The following PDE1A variants were observed in gnomAD, a reference collection of about 807,000 sequenced individuals.
PDE1A encodes phosphodiesterase 1A, also known as dual specificity calcium/calmodulin-dependent 3',5'-cyclic nucleotide phosphodiesterase 1A.
PDE1A carries 35 observed loss-of-function variants against 61.7 expected under a neutral mutation model. The ratio of observed to expected loss-of-function variants is 0.57; its 90% confidence interval spans 0.43 to 0.75. The LOEUF is 0.75. Ranked by LOEUF, PDE1A falls within the 30% of genes least tolerant of loss-of-function variation. PDE1A has a pLI of 0.00. For synonymous variants in PDE1A, 232 were observed against 213.2 expected, an observed-to-expected ratio of 1.09 and a Z score of -0.77; for missense variants, 597 against 630.6, an observed-to-expected ratio of 0.95 and a Z score of 0.57.
intron 2 of PDE1A, among the ~76,000 whole-genome samples, chr2:182,243,121 A>C (rs780587636): frequency 1.3e-4 from 20 of 152,144 alleles, no homozygotes; most frequent in Non-Finnish European, 2.5e-4. Context: ...TCCTATTTGC[A>C]ATGAAATAAA....
chr2:182,572,572 G>C, the PDE1A span, among the ~76,000 whole-genome samples: 1 of 152,062 alleles, frequency 6.6e-6, no homozygotes, highest in Non-Finnish European at 1.5e-5. Flanking sequence ...ACATTTATAA[G>C]GCCTACAGTG....
the PDE1A span, among the ~76,000 whole-genome samples, chr2:182,561,634 A>T: frequency 6.6e-6 from 1 of 152,096 alleles, no homozygotes; most frequent in Admixed American, 6.5e-5. Context: ...TGAATCTATA[A>T]ATTACCTTGG....
intron 2 of PDE1A, among the ~76,000 whole-genome samples, chr2:182,496,608 G>A (rs547651906): frequency 1.3e-5 from 2 of 152,350 alleles, no homozygotes; most frequent in East Asian, 3.9e-4. Context: ...AAAGGGGCCT[G>A]AAAGCATTTG....
chr2:182,230,010 A>G (rs748226548), exon 6 of PDE1A: 1 of 1,610,382 alleles, frequency 6.2e-7, no homozygotes, highest in Non-Finnish European at 8.5e-7. Context: ...TCTTACCATG[A>G]TACCTGTATG....
the PDE1A span, among the ~76,000 whole-genome samples, chr2:182,665,273 A>T: frequency 6.6e-6 from 1 of 152,202 alleles, no homozygotes; most frequent in Non-Finnish European, 1.5e-5. Context: ...AGAAACTATC[A>T]TCATAGTGAA....
the PDE1A span, among the ~76,000 whole-genome samples, chr2:182,645,708 G>A: frequency 6.6e-6 from 1 of 151,820 alleles, no homozygotes; most frequent in African/African-American, 2.4e-5. Flanking sequence ...CTAATGAAAA[G>A]AAAAAAAATT....
chr2:182,669,180 T>A, the PDE1A span, among the ~76,000 whole-genome samples: 1 of 152,216 alleles, frequency 6.6e-6, no homozygotes, highest in Non-Finnish European at 1.5e-5. Flanking sequence ...AGATTAAGTG[T>A]ACTGACCCTT....
chr2:182,178,282 T>C (rs560631913), intron 13 of PDE1A, among the ~76,000 whole-genome samples: 74 of 152,228 alleles, frequency 4.9e-4, no homozygotes, highest in African/African-American at 1.7e-3. Context: ...CCAGAGGAGA[T>C]CCAGGTTTCT....
intron 13 of PDE1A, among the ~76,000 whole-genome samples, chr2:182,179,446 A>G (rs1244440562): frequency 6.6e-6 from 1 of 152,208 alleles, no homozygotes; most frequent in Non-Finnish European, 1.5e-5. Context: ...TAAATTATAC[A>G]TTGTTTAAAA....
At chr2:182,553,208 G>A in the PDE1A span, among the ~76,000 whole-genome samples, 1 of 152,154 alleles carries the variant, frequency 6.6e-6, no homozygotes. Flanking sequence ...CCAGGTCAGA[G>A]AACACGAGGC....
intron 6 of PDE1A, among the ~76,000 whole-genome samples, chr2:182,226,940 A>G (rs888432061): frequency 2.0e-5 from 3 of 151,974 alleles, no homozygotes; most frequent in Admixed American, 6.6e-5. Flanking sequence ...TAGTTAGCTG[A>G]TCTCATTTAA....
the PDE1A span, among the ~76,000 whole-genome samples, chr2:182,637,965 C>T: frequency 6.6e-5 from 10 of 151,806 alleles, no homozygotes; most frequent in South Asian, 2.1e-4. Flanking sequence ...GAAAAGACCA[C>T]GGAACTATCA....
the PDE1A span, among the ~76,000 whole-genome samples, chr2:182,563,070 A>T: frequency 6.6e-6 from 1 of 151,880 alleles, no homozygotes; most frequent in South Asian, 2.1e-4. Flanking sequence ...TTCTGCTCTG[A>T]TTTTAGTTAT....
the PDE1A span, among the ~76,000 whole-genome samples, chr2:182,663,040 C>G: frequency 6.6e-6 from 1 of 152,068 alleles, no homozygotes; most frequent in African/African-American, 2.4e-5. Flanking sequence ...AAACACTTCT[C>G]AAATGAAGAC....
intron 13 of PDE1A, among the ~76,000 whole-genome samples, chr2:182,170,923 T>C (rs1692151805): frequency 2.0e-5 from 3 of 152,016 alleles, no homozygotes; most frequent in Admixed American, 2.0e-4. Flanking sequence ...ACTATGATAA[T>C]ATATTAAAAT....
At chr2:182,254,500 C>A (rs568906561) in intron 2 of PDE1A, among the ~76,000 whole-genome samples, 1 of 152,270 alleles carries the variant, frequency 6.6e-6, no homozygotes, top group East Asian at 1.9e-4. Flanking sequence ...CTTATAAATG[C>A]TAAGCAAATG....
intron 2 of PDE1A, among the ~76,000 whole-genome samples, chr2:182,479,254 C>T (rs1433576668): frequency 5.9e-5 from 9 of 151,866 alleles, no homozygotes; most frequent in Admixed American, 3.9e-4. Context: ...CAATTGTAGG[C>T]ATCTTAAGGA....
chr2:182,361,577 C>A (rs1328337342), intron 1 of PDE1A, among the ~76,000 whole-genome samples: 2 of 151,974 alleles, frequency 1.3e-5, no homozygotes, highest in Non-Finnish European at 2.9e-5. Context: ...TCTACACACA[C>A]AGTTCAGCCT....
At chr2:182,407,919 C>A (rs1214728281) in intron 1 of PDE1A, among the ~76,000 whole-genome samples, 1 of 152,020 alleles carries the variant, frequency 6.6e-6, no homozygotes, top group East Asian at 1.9e-4. Context: ...ACTATATATC[C>A]ATACATATTC....
Sources: gnomAD v4.1 joint callset for allele counts (sites outside exome capture counted in the v4.1 genomes callset) on GRCh38, gnomAD v4.1.1 for gene constraint, MANE v1.5 for transcripts, NCBI Gene and HGNC (gene_info 2026-07-23, HGNC 2026-07-21) for gene names.